GUSB: variants seen among roughly 807,000 people sequenced by gnomAD.
The protein encoded by GUSB is glucuronidase beta, also known as beta-glucuronidase.
GUSB carries 51 observed loss-of-function variants against 74.6 expected under a neutral mutation model. That is an observed-to-expected ratio of 0.68 (90% confidence interval 0.55 to 0.86). The LOEUF is 0.86. Among genes scored for constraint, GUSB ranks in the 40% least tolerant of loss-of-function variants. The pLI is 0.00. For missense variants in GUSB, 736 were observed against 853.7 expected (o/e 0.86, Z 1.72); for synonymous variants, 360 against 348.3 (o/e 1.03, Z -0.37).
rs376505707 is a variant in GUSB at position 65,982,162 on chromosome 7, C to T, written c.22G>A (p.Ala8Thr). MARGSAV[A>T]WAALGPLLWG... ...AACAACGGCCCGAGCGCCGCCCAGG[C>T]AACCGCCGACCCCCGGGCCATGCTT... Residue 8 changes from alanine (A) to threonine (T), a missense_variant, in exon 1 of 12, where the codon GCC becomes ACC. Ala to Thr is a moderately conservative substitution (Grantham distance 58, BLOSUM62 0). Transcript: ENST00000304895. 9.2e-6 allele frequency: 14 copies of T among 1,519,078 alleles called. No homozygotes were observed. The highest frequency in any genetic ancestry group is 4.0e-5 in the Admixed American group (2 of 50,054). 94.1% of individuals were successfully genotyped at this position (1,519,078 alleles called of 1,614,324 possible). A position where few individuals can be genotyped will look rare whatever the true frequency, so the allele number is the denominator to read the frequency against.
Position 65,979,824 on chromosome 7 carries a change from G to A in GUSB, c.484C>T (p.Leu162=), listed in dbSNP as rs1395188248. Residue 162 remains leucine, a synonymous_variant, in exon 3 of 12, where the codon CTG becomes TTG. Coordinates refer to ENST00000304895, the MANE Select transcript of GUSB (RefSeq NM_000181.4). ...ATAGTGATTCGGAGCCGGGAGGGCAGGGGCCCCACCTGGACCAGGTTGCTG... is the reference window on the plus strand; with the variant it reads ...ATAGTGATTCGGAGCCGGGAGGGCAAGGGCCCCACCTGGACCAGGTTGCTG... ...DISNLVQVGP[L]PSRLRITIAI... The A allele has an allele frequency of 2.5e-6, 4 of 1,613,626 alleles. No homozygotes were observed. Among genetic ancestry groups the A allele is most frequent in the African/African-American group, 2.7e-5 (2 of 74,926 alleles).
chr7:65,980,604 G>C (rs1485988800), intron 1 of GUSB, 195 bp from the exon 2 acceptor site: 1 of 625,428 alleles, frequency 1.6e-6, no homozygotes, highest in East Asian at 2.8e-5. Context: ...GGGGCCAGGA[G>C]TTCCTCCTCA....
intron 8 of GUSB, among the ~76,000 whole-genome samples, chr7:65,973,458 G>A (rs1307654278): frequency 1.3e-5 from 2 of 152,230 alleles, no homozygotes; most frequent in Non-Finnish European, 1.5e-5. Context: ...ATGTTGGCGT[G>A]TGCCTGTAAT....
intron 4 of GUSB, among the ~76,000 whole-genome samples, 159 bp from the exon 5 acceptor site, chr7:65,976,361 TG>T (rs1791577724): frequency 1.3e-5 from 2 of 152,006 alleles, no homozygotes; most frequent in South Asian, 4.1e-4. Flanking sequence ...AGTCTCACTC[TG>T]TCCCCCAGGC....
chr7:65,971,282 G>T (rs944871640), intron 8 of GUSB, among the ~76,000 whole-genome samples: 1 of 152,212 alleles, frequency 6.6e-6, no homozygotes, highest in African/African-American at 2.4e-5. Flanking sequence ...CACAGGTCCT[G>T]GGCAGTGGGA....
chr7:65,966,337 G>C (rs1165503153), intron 10 of GUSB, among the ~76,000 whole-genome samples: 1 of 152,204 alleles, frequency 6.6e-6, no homozygotes, highest in Admixed American at 6.5e-5. Context: ...GTGGGTGGCT[G>C]TTCCCTGTGT....
Position 65,982,140 on chromosome 7 carries a change from A to T in GUSB, c.44T>A (p.Leu15Ter). The change falls in exon 1 of 12, where the codon TTG becomes TAG. Residue 15 changes from leucine (L) to a stop codon, truncating the protein, a stop_gained. Transcript: ENST00000304895. LOFTEE classifies it high-confidence loss of function. ...SAVAWAALGP[L>*]LWGCALGLQG... ...CAGCCCCAGCGCGCAGCCCCACAAC[A>T]ACGGCCCGAGCGCCGCCCAGGCAAC... The T allele has an allele frequency of 6.5e-7, 1 of 1,548,262 alleles. No individual in the cohort carries two copies. The highest frequency in any genetic ancestry group is 8.7e-7 in the Non-Finnish European group (1 of 1,147,700).
At chr7:65,978,143 T>G (rs1297537519) in intron 4 of GUSB, among the ~76,000 whole-genome samples, 1 of 151,954 alleles carries the variant, frequency 6.6e-6, no homozygotes, top group African/African-American at 2.4e-5. Flanking sequence ...GAAAAAAAAC[T>G]TAAAACAAAA....
Position 65,964,704 on chromosome 7 carries a change from A to G in GUSB, c.1654-246T>C, listed in dbSNP as rs145463268. ...GCTTTATTTATAAACGTAATTTGAC[A>G]TTCGTTTCACATTACTTTTCCACCT... On this transcript the variant is annotated intron_variant, in intron 10 of 11. Coordinates refer to ENST00000304895, the MANE Select transcript of GUSB (RefSeq NM_000181.4). 3.8e-3 allele frequency among the ~76,000 whole-genome samples: 584 copies of G among 152,262 alleles called. 6 individuals carry two copies. The highest frequency in any genetic ancestry group is 0.013 in the African/African-American group (557 of 41,560).
chr7:65,978,198 T>C (rs1449183216), intron 4 of GUSB, among the ~76,000 whole-genome samples: 1 of 152,180 alleles, frequency 6.6e-6, no homozygotes, highest in Non-Finnish European at 1.5e-5. Context: ...ATTCCTGTAA[T>C]CCCAGCATTT....
intron 8 of GUSB, among the ~76,000 whole-genome samples, chr7:65,971,493 C>T (rs1791207440): frequency 6.6e-6 from 1 of 151,932 alleles, no homozygotes; most frequent in Non-Finnish European, 1.5e-5. Context: ...CTTTGGGAGG[C>T]CGAGGCGGGT....
chr7:65,965,245 A>G (rs1301708949), intron 10 of GUSB, among the ~76,000 whole-genome samples: 5 of 152,000 alleles, frequency 3.3e-5, no homozygotes, highest in African/African-American at 4.8e-5. Flanking sequence ...GTCTCTACAA[A>G]AAGTCAAAAT....
At position 65,974,452 on chromosome 7, in the gene GUSB, G is replaced by A. The variant is rs753108318; in HGVS notation, c.1245-11C>T. 1.9e-6 allele frequency: 3 copies of A among 1,614,208 alleles called. No individual in the cohort carries two copies. Among genetic ancestry groups the A allele is most frequent in the Non-Finnish European group, 1.7e-6 (2 of 1,180,034 alleles). The stretch of plus-strand genomic sequence containing the variant: ...TTGTTGAAGAACTGCCTGCGGGCCA[G>A]GAGGGAAGGGACAGAGGGTCACGGT... On this transcript the variant is annotated splice_polypyrimidine_tract_variant and intron_variant, in intron 7 of 11. Transcript: ENST00000304895.
chr7:65,970,831 G>A (rs1244514415), intron 8 of GUSB, among the ~76,000 whole-genome samples: 1 of 152,064 alleles, frequency 6.6e-6, no homozygotes, highest in Non-Finnish European at 1.5e-5. Context: ...GGAGTCTGCA[G>A]TGGGCCAAGA....
intron 8 of GUSB, 95 bp from the exon 9 acceptor site, chr7:65,970,461 A>G: frequency 1.3e-6 from 1 of 796,172 alleles, no homozygotes; most frequent in Non-Finnish European, 2.2e-6. Context: ...CCGCCAGAAC[A>G]CAACACGGGG....
chr7:65,970,209 G>T, intron 9 of GUSB, 73 bp downstream of exon 9: 1 of 881,328 alleles, frequency 1.1e-6, no homozygotes. Flanking sequence ...CTTCCTGGCT[G>T]TTCCCATGAC....
chr7:65,962,511 T>C lies in GUSB; in HGVS notation c.1790-1448A>G, dbSNP rs115972702. Among the ~76,000 whole-genome samples the C allele has an allele frequency of 6.1e-3, 931 of 152,330 alleles. 10 individuals are homozygous for C. The highest frequency in any genetic ancestry group is 0.021 in the African/African-American group (875 of 41,578). On this transcript the variant is annotated intron_variant, in intron 11 of 11. Transcript: ENST00000304895. ...AACAAGGAGGTGGCATTATCCCCACTGGACAGGCTTATGAAAAGCTTAGGT... is the reference window on the plus strand; with the variant it reads ...AACAAGGAGGTGGCATTATCCCCACCGGACAGGCTTATGAAAAGCTTAGGT...
rs536764936 is a variant in GUSB at position 65,976,807 on chromosome 7, C to T, written c.725-605G>A. On this transcript the variant is annotated intron_variant, in intron 4 of 11. Transcript: ENST00000304895. ...AATCAGCCGGTCGTGGTGGTGCGTG[C>T]TTGCAGCCCCGGCAGCCCCAGCTAC... 2.6e-5 allele frequency among the ~76,000 whole-genome samples: 4 copies of T among 151,940 alleles called. No individual in the cohort carries two copies. In the South Asian group the frequency reaches 8.3e-4, roughly 32 times the overall value.
intron 5 of GUSB, 54 bp from the exon 6 acceptor site, chr7:65,975,125 G>A (rs1219655772): frequency 8.9e-6 from 14 of 1,571,680 alleles, no homozygotes; most frequent in South Asian, 2.2e-5. Flanking sequence ...AGCCCCATCC[G>A]GCCTGCCCTC....
Sources: allele counts gnomAD v4.1 joint callset (sites outside exome capture counted in the v4.1 genomes callset), GRCh38; gene constraint gnomAD v4.1.1; transcripts MANE v1.5; gene names NCBI Gene and HGNC (gene_info 2026-07-23, HGNC 2026-07-21).